OSBPL10: variants seen among roughly 807,000 people sequenced by gnomAD.
The protein encoded by OSBPL10 is oxysterol binding protein like 10.
A neutral mutation model predicts 81.7 loss-of-function variants in OSBPL10; 49 were observed. The ratio of observed to expected loss-of-function variants is 0.60; its 90% CI spans 0.48 to 0.76. OSBPL10 has a LOEUF of 0.76. Ranked by LOEUF, OSBPL10 falls within the 30% of genes least tolerant of loss-of-function variation. The pLI, the probability that OSBPL10 is intolerant of heterozygous loss-of-function variation, is 0.00. For synonymous variants in OSBPL10, 419 were observed against 383.6 expected (o/e 1.09, Z -1.08); for missense variants, 923 against 987.8 (o/e 0.93, Z 0.88).
intron 4 of OSBPL10, among the ~76,000 whole-genome samples, chr3:31,787,722 C>A (rs1301636814): frequency 6.6e-6 from 1 of 152,142 alleles, no homozygotes; most frequent in Non-Finnish European, 1.5e-5. Context: ...ACCACTCAGT[C>A]CTAGATTGGT....
chr3:31,814,784 AC>A (rs1221006395), intron 4 of OSBPL10, among the ~76,000 whole-genome samples: 1 of 152,166 alleles, frequency 6.6e-6, no homozygotes, highest in Non-Finnish European at 1.5e-5. Context: ...GAGGATCCAA[AC>A]CATGAAAGCA....
At chr3:31,985,112 G>A (rs555127567), upstream of OSBPL10, among the ~76,000 whole-genome samples, 6 of 152,132 alleles carry the variant, frequency 3.9e-5, no homozygotes, top group Non-Finnish European at 7.4e-5. Flanking sequence ...GGTCATACAC[G>A]CCTGTAGTCC....
chr3:31,947,731 G>T (rs1032128016), intron 1 of OSBPL10, among the ~76,000 whole-genome samples: 15 of 152,198 alleles, frequency 9.9e-5, no homozygotes, highest in African/African-American at 3.6e-4. Flanking sequence ...TGACAGGCTG[G>T]AGGAGAAAAA....
chr3:32,057,474 G>T (rs1699721238), intron 1 of OSBPL10, among the ~76,000 whole-genome samples: 2 of 152,214 alleles, frequency 1.3e-5, no homozygotes, highest in Admixed American at 1.3e-4. Context: ...TTGACTCACA[G>T]TTCAGCGTGG....
At chr3:31,725,147 TAAGG>T (rs948302355) in intron 6 of OSBPL10, among the ~76,000 whole-genome samples, 1 of 152,202 alleles carries the variant, frequency 6.6e-6, no homozygotes, top group African/African-American at 2.4e-5. Flanking sequence ...TCTGCTAAAC[TAAGG>T]AAGGGCTCCA....
At chr3:31,857,828 G>T (rs1018300510) in intron 3 of OSBPL10, among the ~76,000 whole-genome samples, 3 of 131,824 alleles carry the variant, frequency 2.3e-5, no homozygotes, top group Admixed American at 7.2e-5. Context: ...GGGAGAGGGA[G>T]AGGGAGAGGG....
At chr3:31,758,299 C>T (rs1430630150) in intron 4 of OSBPL10, among the ~76,000 whole-genome samples, 1 of 152,156 alleles carries the variant, frequency 6.6e-6, no homozygotes, top group Admixed American at 6.5e-5. Context: ...TACAGAGGTC[C>T]ATCCCAACTA....
intron 7 of OSBPL10, among the ~76,000 whole-genome samples, chr3:31,697,390 T>A (rs1483929666): frequency 3.2e-5 from 2 of 62,726 alleles, no homozygotes; most frequent in Admixed American, 1.1e-4. Context: ...ATAAAAAAAA[T>A]TGGGGGGGGG....
intron 2 of OSBPL10, chr3:31,990,646 G>A (rs774851226): frequency 1.2e-6 from 2 of 1,613,494 alleles, no homozygotes; most frequent in African/African-American, 2.7e-5. Flanking sequence ...TAATCAACAA[G>A]CAACCCTTGC....
At chr3:31,930,003 C>CAAACAAACAAAAAA (rs1306473764) in intron 1 of OSBPL10, among the ~76,000 whole-genome samples, 1 of 72,574 alleles carries the variant, frequency 1.4e-5, no homozygotes, top group African/African-American at 5.3e-5. Context: ...TGTCACCAAC[C>CAAACAAACAAAAAA]AAAAAAAAAA....
At chr3:31,954,157 T>C (rs1464732777) in intron 1 of OSBPL10, among the ~76,000 whole-genome samples, 5 of 152,184 alleles carry the variant, frequency 3.3e-5, no homozygotes, top group Admixed American at 3.3e-4. Context: ...GCCCATTTGC[T>C]CCTTCTGCAC....
rs937518604 is a variant in OSBPL10 at position 31,871,395 on chromosome 3, G to A, written c.537+5038C>T. Among the ~76,000 whole-genome samples the A allele has an allele frequency of 2.1e-4, 32 of 151,990 alleles. 1 individual carries two copies. Among genetic ancestry groups the A allele is most frequent in the African/African-American group, 5.1e-4 (21 of 41,376 alleles). ...GAACCCACCAGAAGGAAGAAACTCC[G>A]AACACATCCAAACATCAGAAGGAAA... On this transcript the variant is annotated intron_variant, in intron 3 of 11. Coordinates refer to ENST00000396556, the MANE Select transcript of OSBPL10 (RefSeq NM_017784.5).
rs201724329 is a variant in OSBPL10, at chr3:31,801,636, G to A, written c.729+28404C>T. 7.2e-5 allele frequency among the ~76,000 whole-genome samples: 11 copies of A among 152,252 alleles called. No homozygotes were observed. The East Asian group carries it at 7.7e-4, about 11-fold the overall frequency. ...CACTGCAGACAAAAGATGTAGGTCCGTGTCCTGAAAGGTTACACTCCAGGA... is the reference window on the plus strand; with the variant it reads ...CACTGCAGACAAAAGATGTAGGTCCATGTCCTGAAAGGTTACACTCCAGGA... On this transcript the variant is annotated intron_variant, in intron 4 of 11. Transcript: ENST00000396556.
chr3:31,902,499 G>A (rs1696277115), intron 1 of OSBPL10, among the ~76,000 whole-genome samples: 1 of 151,920 alleles, frequency 6.6e-6, no homozygotes, highest in Non-Finnish European at 1.5e-5. Flanking sequence ...CTGACCTCAG[G>A]CAATCCACCT....
At chr3:31,856,191 C>T (rs913801820) in intron 3 of OSBPL10, among the ~76,000 whole-genome samples, 2 of 150,970 alleles carry the variant, frequency 1.3e-5, no homozygotes, top group South Asian at 2.1e-4. Context: ...TCAGGCAAGG[C>T]GGGCAGCCAA....
Position 32,041,198 on chromosome 3 carries a change from G to A in OSBPL10, n.298+5293C>T, listed in dbSNP as rs368706566. Among the ~76,000 whole-genome samples the A allele has an allele frequency of 1.1e-4, 16 of 152,314 alleles. No individual in the cohort carries two copies. In the South Asian group the frequency reaches 3.3e-3, roughly 32 times the overall value. On this transcript the variant is annotated intron_variant and non_coding_transcript_variant, in intron 2 of 3. Coordinates refer to the OSBPL10 transcript ENST00000479173. ...GAGGACTGAACTCAGGCAACCCAGG[G>A]TGGCAGAGATTACCCAGAACTGAGT... is the stretch of plus-strand genomic sequence containing the variant.
intron 1 of OSBPL10, among the ~76,000 whole-genome samples, chr3:31,887,016 C>G (rs891252674): frequency 6.6e-6 from 1 of 152,100 alleles, no homozygotes; most frequent in African/African-American, 2.4e-5. Flanking sequence ...AACAGACACC[C>G]CCACGAACAC....
chr3:31,789,199 C>T (rs931486031), intron 4 of OSBPL10, among the ~76,000 whole-genome samples: 2 of 152,130 alleles, frequency 1.3e-5, no homozygotes, highest in African/African-American at 4.8e-5. Flanking sequence ...GCTGGGATTA[C>T]AGGTGTGAGC....
chr3:31,721,252 C>CT (rs1320863739), intron 6 of OSBPL10: 2 of 152,274 alleles, frequency 1.3e-5, no homozygotes, highest in African/African-American at 4.8e-5. Context: ...CCTGCTAACA[C>CT]TTTAAGTTTA....
Sources: gnomAD v4.1 joint callset for allele counts (sites outside exome capture counted in the v4.1 genomes callset) on GRCh38, gnomAD v4.1.1 for gene constraint, MANE v1.5 for transcripts, NCBI Gene and HGNC (gene_info 2026-07-23, HGNC 2026-07-21) for gene names.